Variants in TBX20 observed in about 807,000 individuals in gnomAD.
TBX20 encodes T-box transcription factor 20.
TBX20 carries 8 observed loss-of-function variants against 42.9 expected under a neutral mutation model. That is an observed-to-expected ratio of 0.19 (90% CI 0.11 to 0.34). The LOEUF (loss-of-function observed/expected upper bound fraction) is 0.34, where lower values mean the gene tolerates loss of function less well. Ranked by LOEUF, TBX20 falls within the 10% of genes least tolerant of loss-of-function variation. The pLI, the probability that TBX20 is intolerant of heterozygous loss-of-function variation, is 1.00. For missense variants in TBX20, 411 were observed against 566.0 expected (o/e 0.73, Z 2.78); for synonymous variants, 198 against 222.8 (o/e 0.89, Z 0.99).
rs527791457 is a variant in TBX20 at position 35,237,154 on chromosome 7, G to C, written c.813+3725C>G. Among the ~76,000 whole-genome samples, 89 of 152,288 alleles carry C rather than the reference G, an allele frequency of 5.8e-4. 1 individual carries two copies. In the South Asian group the frequency reaches 0.017, roughly 29 times the overall value. On this transcript the variant is annotated intron_variant, in intron 5 of 7. Coordinates refer to ENST00000408931, the MANE Select transcript of TBX20 (RefSeq NM_001077653.2). ...ACTTACCAGATTTGTGACCTTGGGT[G>C]AATGTCTTAACCATTCTGACCTCAG...
At chr7:35,215,899 G>A (rs1290281772) in intron 6 of TBX20, among the ~76,000 whole-genome samples, 12 of 152,130 alleles carry the variant, frequency 7.9e-5, no homozygotes. Flanking sequence ...AGCAAAACCT[G>A]CACTCTTATC....
In TBX20 at chr7:35,240,571, T is replaced by C. The variant is rs375354949; in HGVS notation, c.813+308A>G. Among the ~76,000 whole-genome samples, 6 of 152,208 alleles carry C rather than the reference T, an allele frequency of 3.9e-5. No individual in the cohort carries two copies. The East Asian group carries it at 7.7e-4, about 20-fold the overall frequency. ...AGCAACAAGAACATGGTTATACATG[T>C]TACCAGGAGGAGGAAAAGGAGGCAA... On this transcript the variant is annotated intron_variant, in intron 5 of 7. Transcript: ENST00000408931.
At chr7:35,226,212 G>A (rs3999943) in intron 6 of TBX20, among the ~76,000 whole-genome samples, 62,916 of 151,692 alleles carry the variant, frequency 0.41, 14,002 homozygotes, top group Middle Eastern at 0.54. Flanking sequence ...AGTGAGAAAA[G>A]TTTTCTAGGA....
rs543817703 is a variant in TBX20, at chr7:35,247,129, A to G, written c.545+1548T>C. Among the ~76,000 whole-genome samples, 39 of 149,292 alleles carry G rather than the reference A, an allele frequency of 2.6e-4. No individual in the cohort carries two copies. The South Asian group carries it at 4.3e-3, about 17-fold the overall frequency. ...GATAGGAAGAAAATGTATGTTTAAT[A>G]AGAGTGATTAACTTCTTAGAGGAAA... On this transcript the variant is annotated intron_variant, in intron 3 of 7. Coordinates refer to ENST00000408931, the MANE Select transcript of TBX20 (RefSeq NM_001077653.2).
At chr7:35,227,765 T>C (rs13246502) in intron 6 of TBX20, among the ~76,000 whole-genome samples, 1 of 152,074 alleles carries the variant, frequency 6.6e-6, no homozygotes, top group Non-Finnish European at 1.5e-5. Context: ...GATAAATTCA[T>C]AGATGCAGAA....
chr7:35,207,885 T>G (rs1789426060), intron 6 of TBX20, among the ~76,000 whole-genome samples: 1 of 152,180 alleles, frequency 6.6e-6, no homozygotes, highest in South Asian at 2.1e-4. Context: ...GTATTAGTAC[T>G]CTATCTTTTT....
At chr7:35,221,803 G>C (rs1789688571) in intron 6 of TBX20, among the ~76,000 whole-genome samples, 1 of 152,164 alleles carries the variant, frequency 6.6e-6, no homozygotes, top group African/African-American at 2.4e-5. Context: ...AGTAAACAGT[G>C]AATATGCCTG....
chr7:35,202,762 A>C lies in TBX20; in HGVS notation c.1012T>G (p.Phe338Val), dbSNP rs1410071356. Residue 338 changes from phenylalanine (F) to valine (V), a missense_variant, in exon 8 of 8, where the codon TTT becomes GTT. This residue lies in a region of TBX20 where 162 missense variants were observed against 205.4 expected (regional missense o/e 0.79). Coordinates refer to ENST00000408931, the MANE Select transcript of TBX20 (RefSeq NM_001077653.2). ...AGAGACAAATTATCAGATGTTGTAA[A>C]GGCTGACCCTGTAAGGAAAAACACT... ...SQTTPNRGSA[F>V]TTSDNLSLSS... The C allele has an allele frequency of 6.4e-7, 1 of 1,553,612 alleles. No individual in the cohort carries two copies. Among genetic ancestry groups the C allele is most frequent in the African/African-American group, 1.4e-5 (1 of 73,206 alleles).
At chr7:35,227,224 T>C (rs1401478369) in intron 6 of TBX20, among the ~76,000 whole-genome samples, 3 of 152,122 alleles carry the variant, frequency 2.0e-5, no homozygotes, top group Non-Finnish European at 1.5e-5. Context: ...AATTAAAAAG[T>C]TTAGAAAGTA....
At chr7:35,245,143 C>T (rs1357086747) in intron 3 of TBX20, 86 bp from the exon 4 acceptor site, 3 of 980,330 alleles carry the variant, frequency 3.1e-6, no homozygotes, top group Non-Finnish European at 4.7e-6. Flanking sequence ...TCTAAGGGAA[C>T]ACATAAACCA....
intron 6 of TBX20, among the ~76,000 whole-genome samples, chr7:35,218,030 C>T (rs1291445600): frequency 2.0e-5 from 3 of 152,168 alleles, no homozygotes; most frequent in African/African-American, 7.2e-5. Context: ...CAAAAGCAGA[C>T]TTTAATCTGT....
chr7:35,213,071 C>T (rs1301734801), intron 6 of TBX20, among the ~76,000 whole-genome samples: 1 of 152,180 alleles, frequency 6.6e-6, no homozygotes, highest in Admixed American at 6.5e-5. Context: ...TCTATACCCC[C>T]TCAGGAAATA....
chr7:35,237,267 A>G (rs1789984058), intron 5 of TBX20, among the ~76,000 whole-genome samples: 2 of 152,054 alleles, frequency 1.3e-5, no homozygotes, highest in African/African-American at 4.8e-5. Context: ...AAAAATGTGG[A>G]AAGATTTTTC....
intron 6 of TBX20, among the ~76,000 whole-genome samples, chr7:35,226,700 G>C (rs550609361): frequency 2.2e-4 from 33 of 152,222 alleles, no homozygotes; most frequent in African/African-American, 6.7e-4. Context: ...CTATCACCTA[G>C]TGACATCATA....
intron 6 of TBX20, among the ~76,000 whole-genome samples, chr7:35,205,999 C>T (rs1465345430): frequency 1.3e-5 from 2 of 152,088 alleles, no homozygotes; most frequent in South Asian, 4.1e-4. Context: ...AAGTATGCTA[C>T]CATTTGTGAA....
Position 35,202,518 on chromosome 7 carries a change from G to T in TBX20, c.1256C>A (p.Pro419Gln), listed in dbSNP as rs949178814. The change falls in exon 8 of 8, where the codon CCG becomes CAG. Residue 419 changes from proline to glutamine, a missense_variant. Around this residue, in one of 5 missense-constraint regions of TBX20, gnomAD observed 162 missense variants for 205.4 expected, o/e 0.79. Coordinates refer to ENST00000408931, the MANE Select transcript of TBX20 (RefSeq NM_001077653.2). ...SGPTFPSFHM[P>Q]RYHHYFQQGP... is the part of the protein sequence containing the mutation. ...CTGCTGAAAATAGTGATGGTATCGC[G>T]GCATGTGGAATGAAGGGAATGTGGG... The T allele has an allele frequency of 6.2e-7, 1 of 1,612,162 alleles. No individual in the cohort carries two copies. Among genetic ancestry groups the T allele is most frequent in the Admixed American group, 1.7e-5 (1 of 59,842 alleles).
intron 6 of TBX20, among the ~76,000 whole-genome samples, chr7:35,226,830 T>A (rs538901393): frequency 3.3e-5 from 5 of 152,208 alleles, no homozygotes; most frequent in African/African-American, 1.2e-4. Flanking sequence ...ATAATTTTTA[T>A]AATTATTTCA....
chr7:35,249,879 G>A lies in TBX20; in HGVS notation c.380+72C>T. On this transcript the variant is annotated intron_variant, in intron 2 of 7. Coordinates refer to ENST00000408931, the MANE Select transcript of TBX20 (RefSeq NM_001077653.2). The surrounding 1 kb of genome is among the most constrained non-coding windows in gnomAD (Gnocchi z 4.3). The stretch of plus-strand genomic sequence containing the variant: ...CCAGCCAGCTCTCATCTAGTTCCTG[G>A]AAGCACCCTCAACTACCCAGGGAGT... The A allele has an allele frequency of 6.6e-7, 1 of 1,515,042 alleles. No homozygotes were observed. Among genetic ancestry groups the A allele is most frequent in the Non-Finnish European group, 8.9e-7 (1 of 1,122,818 alleles). The allele number at this position is 1,515,042 out of a possible 1,614,324, so 93.8% of individuals were successfully genotyped here. A position where few individuals can be genotyped will look rare whatever the true frequency, so the allele number is the denominator to read the frequency against.
intron 6 of TBX20, among the ~76,000 whole-genome samples, chr7:35,212,626 G>A (rs1260230349): frequency 3.3e-5 from 5 of 152,146 alleles, no homozygotes; most frequent in Admixed American, 3.3e-4. Context: ...AGTAGGACTG[G>A]AACACTATTT....
Sources: gnomAD v4.1 joint callset for allele counts (sites outside exome capture counted in the v4.1 genomes callset) on GRCh38, gnomAD v4.1.1 for gene constraint, gnomAD v4.1.1 regional missense constraint, Gnocchi (gnomAD v3.1) non-coding constraint, MANE v1.5 for transcripts, NCBI Gene and HGNC (gene_info 2026-07-23, HGNC 2026-07-21) for gene names.